TNNI3K: variants seen among roughly 807,000 people sequenced by gnomAD.
TNNI3K encodes TNNI3 interacting kinase.
TNNI3K carries 140 observed loss-of-function variants against 114.5 expected under a neutral mutation model. That is an observed-to-expected ratio of 1.22 (90% confidence interval 1.07 to 1.41). The LOEUF is 1.41. Among genes scored for constraint, TNNI3K ranks in the 40% most tolerant of loss-of-function variants. The pLI, the probability that TNNI3K is intolerant of heterozygous loss-of-function variation, is 0.00. For missense variants in TNNI3K, 1,125 were observed against 1,007.6 expected, an observed-to-expected ratio of 1.12 and a Z score of -1.58; for synonymous variants, 347 against 347.5, an observed-to-expected ratio of 1.00 and a Z score of 0.02.
intron 17 of TNNI3K, among the ~76,000 whole-genome samples, chr1:74,409,003 A>G (rs1294122765): frequency 2.0e-5 from 3 of 152,294 alleles, no homozygotes; most frequent in Non-Finnish European, 4.4e-5. Flanking sequence ...AAAAAAAAAA[A>G]AAATAGAGTC....
intron 17 of TNNI3K, among the ~76,000 whole-genome samples, chr1:74,408,968 C>A (rs1664750783): frequency 6.7e-6 from 1 of 149,926 alleles, no homozygotes; most frequent in Admixed American, 6.6e-5. Context: ...AGAAAGATGA[C>A]ACTCATCTAA....
At chr1:74,505,549 G>A (rs542866647) in intron 23 of TNNI3K, among the ~76,000 whole-genome samples, 156 of 151,742 alleles carry the variant, frequency 1.0e-3, no homozygotes, top group Non-Finnish European at 1.4e-3. Flanking sequence ...ATTCCTCATG[G>A]ATTGTTTTTT....
At chr1:74,424,752 G>T in intron 17 of TNNI3K, among the ~76,000 whole-genome samples, 2 of 149,520 alleles carry the variant, frequency 1.3e-5, no homozygotes, top group East Asian at 2.0e-4. Flanking sequence ...GACATAGTAT[G>T]TTTCTCAGAA....
intron 5 of TNNI3K, among the ~76,000 whole-genome samples, chr1:74,287,997 T>C (rs533498925): frequency 6.6e-6 from 1 of 152,104 alleles, no homozygotes; most frequent in African/African-American, 2.4e-5. Flanking sequence ...ATGCTTAATA[T>C]CGTTAATTAT....
At chr1:74,416,167 G>A (rs997555709) in intron 17 of TNNI3K, 9 of 411,676 alleles carry the variant, frequency 2.2e-5, no homozygotes, top group Admixed American at 1.9e-4. Context: ...CATGACTGGG[G>A]AAACCTCTTC....
At chr1:74,343,273 G>A (rs1464923895) in intron 9 of TNNI3K, 94 bp downstream of exon 9, 1 of 1,333,610 alleles carries the variant, frequency 7.5e-7, no homozygotes, top group Admixed American at 2.4e-5. Flanking sequence ...AATAGTGGCA[G>A]ATGTTGCAAT....
At chr1:74,247,092 A>C (rs1340182674) in intron 2 of TNNI3K, among the ~76,000 whole-genome samples, 3 of 152,196 alleles carry the variant, frequency 2.0e-5, no homozygotes, top group Non-Finnish European at 4.4e-5. Flanking sequence ...ACTGACTTCA[A>C]GAATGAAGCC....
chr1:74,339,809 A>G (rs1660661378), intron 7 of TNNI3K, among the ~76,000 whole-genome samples: 2 of 152,104 alleles, frequency 1.3e-5, no homozygotes, highest in South Asian at 4.1e-4. Context: ...TGAATAAGAA[A>G]AAAAAATGGT....
intron 5 of TNNI3K, among the ~76,000 whole-genome samples, chr1:74,285,643 C>T (rs1409972884): frequency 2.0e-5 from 3 of 152,150 alleles, no homozygotes; most frequent in Non-Finnish European, 2.9e-5. Context: ...TAGAAATCAT[C>T]ATATTTCTCA....
At chr1:74,303,637 T>C (rs1439057149) in intron 5 of TNNI3K, among the ~76,000 whole-genome samples, 3 of 152,234 alleles carry the variant, frequency 2.0e-5, no homozygotes, top group Non-Finnish European at 4.4e-5. Flanking sequence ...ATATCCATTC[T>C]GTAGCCCATG....
Position 74,349,562 on chromosome 1 carries a change from G to A in TNNI3K, c.933-3704G>A, listed in dbSNP as rs574725415. Among the ~76,000 whole-genome samples the A allele has an allele frequency of 2.0e-5, 3 of 152,226 alleles. No homozygotes were observed. The South Asian group carries it at 6.2e-4, about 32-fold the overall frequency. ...GAAGGAATGGTACCAGCTCCTCCTT[G>A]TACCTCTGGTAGAATTCGGCTGTGA... On this transcript the variant is annotated intron_variant, in intron 9 of 24. Transcript: ENST00000326637.
At chr1:74,322,623 G>A (rs1659682231) in intron 5 of TNNI3K, among the ~76,000 whole-genome samples, 1 of 151,950 alleles carries the variant, frequency 6.6e-6, no homozygotes, top group Non-Finnish European at 1.5e-5. Context: ...GCCACGCCCA[G>A]CTAATTTTTT....
chr1:74,482,363 G>T (rs1022886406), intron 21 of TNNI3K, among the ~76,000 whole-genome samples: 2 of 152,174 alleles, frequency 1.3e-5, no homozygotes, highest in Non-Finnish European at 1.5e-5. Flanking sequence ...AGAAATATTT[G>T]TTTCTTACAG....
intron 23 of TNNI3K, among the ~76,000 whole-genome samples, chr1:74,501,612 G>A (rs371713950): frequency 4.6e-5 from 7 of 152,058 alleles, no homozygotes; most frequent in Admixed American, 2.0e-4. Flanking sequence ...TCAGCCTCCC[G>A]AGTAGCTGGG....
intron 23 of TNNI3K, among the ~76,000 whole-genome samples, chr1:74,497,220 A>T (rs572908833): frequency 6.6e-6 from 1 of 152,292 alleles, no homozygotes; most frequent in South Asian, 2.1e-4. Flanking sequence ...GGAAGAATGA[A>T]GAAGGGAGAG....
chr1:74,401,675 A>G (rs1222304094), intron 17 of TNNI3K, among the ~76,000 whole-genome samples: 1 of 152,236 alleles, frequency 6.6e-6, no homozygotes, highest in Non-Finnish European at 1.5e-5. Context: ...TAGGAGGTTA[A>G]GAGAGATAAT....
intron 5 of TNNI3K, among the ~76,000 whole-genome samples, chr1:74,327,169 G>A (rs187393348): frequency 5.4e-4 from 81 of 151,336 alleles, no homozygotes; most frequent in African/African-American, 1.7e-3. Flanking sequence ...TCACTTGGAT[G>A]TTTTTTGAGA....
intron 3 of TNNI3K, 94 bp downstream of exon 3, chr1:74,249,638 C>T: frequency 8.1e-7 from 1 of 1,239,250 alleles, no homozygotes; most frequent in South Asian, 1.8e-5. Context: ...GAATTCTATT[C>T]ATACTCAATT....
chr1:74,350,187 G>A (rs1442541279), intron 9 of TNNI3K, among the ~76,000 whole-genome samples: 1 of 152,116 alleles, frequency 6.6e-6, no homozygotes, highest in African/African-American at 2.4e-5. Flanking sequence ...GTTCTCGTTG[G>A]TTTCAAAGAA....
Sources: allele counts gnomAD v4.1 joint callset (sites outside exome capture counted in the v4.1 genomes callset), GRCh38; gene constraint gnomAD v4.1.1; transcripts MANE v1.5; gene names NCBI Gene and HGNC (gene_info 2026-07-23, HGNC 2026-07-21).